The following AGBL4 variants were observed in gnomAD, a reference collection of about 807,000 sequenced individuals.
AGBL4 encodes the protein cytosolic carboxypeptidase 6.
Under a neutral mutation model 66.4 loss-of-function variants are expected in AGBL4, and 58 were observed. The ratio of observed to expected loss-of-function variants is 0.87; its 90% CI spans 0.71 to 1.09. The LOEUF (loss-of-function observed/expected upper bound fraction) is 1.09, where lower values mean the gene tolerates loss of function less well. AGBL4 is among the 50% of genes least tolerant of loss of function. The pLI, the probability that AGBL4 is intolerant of heterozygous loss-of-function variation, is 0.00. For missense variants in AGBL4, 579 were observed against 631.0 expected (o/e 0.92, Z 0.88); for synonymous variants, 234 against 222.9 (o/e 1.05, Z -0.44).
chr1:48,665,916 C>T (rs1646179805), intron 6 of AGBL4, among the ~76,000 whole-genome samples: 1 of 152,190 alleles, frequency 6.6e-6, no homozygotes, highest in South Asian at 2.1e-4. Context: ...CGTATCAAGT[C>T]AATTGCATTC....
At chr1:49,483,531 G>A (rs578068913) in intron 3 of AGBL4, among the ~76,000 whole-genome samples, 45 of 151,994 alleles carry the variant, frequency 3.0e-4, no homozygotes, top group Non-Finnish European at 5.0e-4. Flanking sequence ...GTGGTGCTGG[G>A]AAACATGGAT....
At chr1:48,551,377 A>G (rs2148282984) in intron 11 of AGBL4, among the ~76,000 whole-genome samples, 2 of 152,320 alleles carry the variant, frequency 1.3e-5, no homozygotes, top group Middle Eastern at 6.8e-3. Context: ...CATTGATTAG[A>G]AATTATATAT....
At chr1:49,873,755 G>T (rs1022825613) in intron 1 of AGBL4, among the ~76,000 whole-genome samples, 9 of 152,014 alleles carry the variant, frequency 5.9e-5, no homozygotes, top group Non-Finnish European at 1.5e-5. Context: ...ACAGAACACA[G>T]GCTGTTTCTG....
chr1:49,287,245 A>C (rs1644434698), intron 3 of AGBL4, among the ~76,000 whole-genome samples: 4 of 139,988 alleles, frequency 2.9e-5, no homozygotes. Flanking sequence ...CGTTAGACCT[A>C]AAACCATAAA....
At chr1:49,282,655 T>C (rs190153751) in intron 3 of AGBL4, among the ~76,000 whole-genome samples, 96 of 152,202 alleles carry the variant, frequency 6.3e-4, no homozygotes, top group African/African-American at 2.3e-3. Context: ...CGCAGGTCAG[T>C]AGGTGCTCGC....
At chr1:49,318,379 T>G (rs1315614685) in intron 3 of AGBL4, among the ~76,000 whole-genome samples, 3 of 148,376 alleles carry the variant, frequency 2.0e-5, no homozygotes, top group African/African-American at 7.7e-5. Flanking sequence ...CGGGAATATT[T>G]AAATGCAGAT....
chr1:49,033,880 C>CA, intron 5 of AGBL4, among the ~76,000 whole-genome samples: 1 of 148,312 alleles, frequency 6.7e-6, no homozygotes, highest in Non-Finnish European at 1.5e-5. Context: ...GAAGATCTTT[C>CA]AAGACAGGGC....
intron 3 of AGBL4, among the ~76,000 whole-genome samples, chr1:49,672,343 G>C (rs371545587): frequency 6.6e-6 from 1 of 151,890 alleles, no homozygotes; most frequent in Non-Finnish European, 1.5e-5. Flanking sequence ...TCTACTTGAG[G>C]GGGGAGGGTG....
Position 49,057,939 on chromosome 1 carries a change from ACTGT to A in AGBL4, c.378-12143_378-12140del, listed in dbSNP as rs1644335796. Among the ~76,000 whole-genome samples, 5 of 152,252 alleles carry A rather than the reference ACTGT, an allele frequency of 3.3e-5. No homozygotes were observed. In the South Asian group the frequency reaches 1.0e-3, roughly 32 times the overall value. ...TAATGCCAGAGAAGTAAGAAGGCTG[ACTGT>A]CTGTGCCCTGACATTTCTAGGTCCA... On this transcript the variant is annotated intron_variant, in intron 4 of 13. Coordinates refer to ENST00000371839, the MANE Select transcript of AGBL4 (RefSeq NM_032785.4).
chr1:49,741,267 A>G (rs1385742494), intron 2 of AGBL4, among the ~76,000 whole-genome samples: 2 of 152,230 alleles, frequency 1.3e-5, no homozygotes, highest in African/African-American at 4.8e-5. Flanking sequence ...AGAATACTAT[A>G]AACACCTCTA....
intron 6 of AGBL4, chr1:48,776,723 C>G: frequency 6.5e-7 from 1 of 1,529,286 alleles, no homozygotes; most frequent in Non-Finnish European, 8.8e-7. Flanking sequence ...ACGGCGTACA[C>G]CTTCTGGTTG....
chr1:49,469,154 T>TA (rs1315318286), intron 3 of AGBL4, among the ~76,000 whole-genome samples: 2 of 151,918 alleles, frequency 1.3e-5, no homozygotes, highest in African/African-American at 4.8e-5. Flanking sequence ...CTGTTGTTAG[T>TA]ATACTTAAGT....
At chr1:48,601,867 A>G (rs1252436244) in intron 9 of AGBL4, among the ~76,000 whole-genome samples, 5 of 152,126 alleles carry the variant, frequency 3.3e-5, no homozygotes, top group African/African-American at 1.2e-4. Flanking sequence ...GCACACAGAT[A>G]CAAGTAGAAA....
At chr1:48,635,922 AT>A (rs1247965607) in intron 8 of AGBL4, among the ~76,000 whole-genome samples, 2 of 152,258 alleles carry the variant, frequency 1.3e-5, no homozygotes, top group African/African-American at 4.8e-5. Flanking sequence ...CAACATGAGC[AT>A]GTTTCTTTGT....
chr1:49,431,401 GTATT>G (rs1294497123), intron 3 of AGBL4, among the ~76,000 whole-genome samples: 1 of 152,158 alleles, frequency 6.6e-6, no homozygotes, highest in Admixed American at 6.5e-5. Context: ...ACTGGGAACT[GTATT>G]TATAATCTAG....
intron 5 of AGBL4, among the ~76,000 whole-genome samples, chr1:48,978,881 T>G (rs1284383025): frequency 6.6e-6 from 1 of 152,200 alleles, no homozygotes; most frequent in Non-Finnish European, 1.5e-5. Flanking sequence ...AAATTTGTTT[T>G]TCTTTTGAGA....
chr1:49,290,669 A>T (rs1644516484), intron 3 of AGBL4, among the ~76,000 whole-genome samples: 1 of 152,170 alleles, frequency 6.6e-6, no homozygotes, highest in Admixed American at 6.5e-5. Context: ...TTGGCCCTCA[A>T]CATGGACAGT....
At chr1:49,268,712 TG>T (rs1643986176) in intron 3 of AGBL4, among the ~76,000 whole-genome samples, 1 of 152,204 alleles carries the variant, frequency 6.6e-6, no homozygotes, top group Non-Finnish European at 1.5e-5. Flanking sequence ...TATTGGCTTT[TG>T]TTATCATTTT....
chr1:49,377,572 T>C (rs192414445), intron 3 of AGBL4, among the ~76,000 whole-genome samples: 1 of 152,164 alleles, frequency 6.6e-6, no homozygotes, highest in East Asian at 1.9e-4. Flanking sequence ...TGATATTTTA[T>C]CCTACATGCA....
Sources: gnomAD v4.1 joint callset for allele counts (sites outside exome capture counted in the v4.1 genomes callset) on GRCh38, gnomAD v4.1.1 for gene constraint, MANE v1.5 for transcripts, NCBI Gene and HGNC (gene_info 2026-07-23, HGNC 2026-07-21) for gene names.